MACROD2: variants seen among roughly 807,000 people sequenced by gnomAD.
MACROD2 encodes the protein ADP-ribose glycohydrolase MACROD2.
Under a neutral mutation model 70.4 loss-of-function variants are expected in MACROD2, and 36 were observed. The observed-to-expected ratio is 0.51, with a 90% CI of 0.39 to 0.68. The LOEUF (loss-of-function observed/expected upper bound fraction) is 0.68. Among genes scored for constraint, MACROD2 ranks in the 30% least tolerant of loss-of-function variants. The pLI, the probability that MACROD2 is intolerant of heterozygous loss-of-function variation, is 0.00. For missense variants in MACROD2, 496 were observed against 538.4 expected (o/e 0.92, Z 0.78); for synonymous variants, 172 against 178.8 (o/e 0.96, Z 0.30).
intron 15 of MACROD2, among the ~76,000 whole-genome samples, chr20:16,035,620 A>G (rs1209862105): frequency 6.6e-6 from 1 of 152,064 alleles, no homozygotes; most frequent in Non-Finnish European, 1.5e-5. Flanking sequence ...AACTGAATCG[A>G]TTAGAAGTGT....
At chr20:14,549,579 T>C (rs1438695227) in intron 4 of MACROD2, among the ~76,000 whole-genome samples, 1 of 152,130 alleles carries the variant, frequency 6.6e-6, no homozygotes, top group Non-Finnish European at 1.5e-5. Context: ...CTTGGCAGAT[T>C]ACTTCTACTT....
chr20:15,718,134 C>T (rs34574177), intron 8 of MACROD2, among the ~76,000 whole-genome samples: 10,122 of 151,092 alleles, frequency 0.067, 358 homozygotes, highest in African/African-American at 0.091. Flanking sequence ...GCCTCCCGAG[C>T]AGCTGGGATT....
intron 5 of MACROD2, among the ~76,000 whole-genome samples, chr20:14,954,534 A>T (rs1600867445): frequency 7.1e-6 from 1 of 139,880 alleles, no homozygotes; most frequent in South Asian, 2.1e-4. Flanking sequence ...ATATAATTAT[A>T]TATAATATAA....
chr20:15,932,229 C>T (rs1463393042), intron 10 of MACROD2, among the ~76,000 whole-genome samples: 1 of 152,150 alleles, frequency 6.6e-6, no homozygotes, highest in African/African-American at 2.4e-5. Context: ...ATGTGTCTCC[C>T]TCCATTTGGC....
chr20:15,263,072 T>G (rs2077263096), intron 6 of MACROD2, among the ~76,000 whole-genome samples: 1 of 152,148 alleles, frequency 6.6e-6, no homozygotes, highest in Non-Finnish European at 1.5e-5. Flanking sequence ...ATTTTTGCTT[T>G]GGTTGTCTGT....
At chr20:14,904,221 A>T (rs986659544) in intron 5 of MACROD2, among the ~76,000 whole-genome samples, 5 of 152,164 alleles carry the variant, frequency 3.3e-5, no homozygotes, top group African/African-American at 1.2e-4. Flanking sequence ...ATGCTGTTGG[A>T]TAGTCAAATT....
intron 3 of MACROD2, among the ~76,000 whole-genome samples, chr20:14,415,064 T>C (rs1189125865): frequency 1.3e-5 from 2 of 152,118 alleles, no homozygotes; most frequent in South Asian, 4.1e-4. Flanking sequence ...AGAAACTTAG[T>C]TTTTTCAGTA....
Position 15,725,002 on chromosome 20 carries a change from A to T in MACROD2, c.646-137743A>T, listed in dbSNP as rs149990774. ...GAGGCTGAGGCAGAAGAATGACGTG[A>T]ATCCGGGAGGCGGAGCTTGCAGTGA... On this transcript the variant is annotated intron_variant, in intron 8 of 17. Transcript: ENST00000684519. Among the ~76,000 whole-genome samples, 211 of 152,288 alleles carry T rather than the reference A, an allele frequency of 1.4e-3. 4 individuals carry two copies. The East Asian group carries it at 0.037, about 27-fold the overall frequency.
At chr20:15,923,452 T>C (rs2065442455) in intron 10 of MACROD2, among the ~76,000 whole-genome samples, 2 of 152,178 alleles carry the variant, frequency 1.3e-5, no homozygotes, top group Non-Finnish European at 2.9e-5. Context: ...ACATGGGAAT[T>C]CTGGGAGATA....
In MACROD2 at chr20:14,734,875, C is replaced by G. The variant is rs552830253; in HGVS notation, c.418+49916C>G. ...TGATTTTCAACAAGACTATCAAGAC[C>G]ATTGCATGGACAAAGAATAATATCT... On this transcript the variant is annotated intron_variant, in intron 5 of 17. Coordinates refer to ENST00000684519, the MANE Select transcript of MACROD2 (RefSeq NM_001351661.2). Among the ~76,000 whole-genome samples, 20 of 152,074 alleles carry G rather than the reference C, an allele frequency of 1.3e-4. 1 individual carries two copies. In the East Asian group the frequency reaches 3.9e-3, roughly 29 times the overall value.
chr20:14,510,482 T>G (rs1328552148), intron 4 of MACROD2, among the ~76,000 whole-genome samples: 4 of 152,116 alleles, frequency 2.6e-5, no homozygotes, highest in African/African-American at 9.6e-5. Flanking sequence ...AGTTGCCAGT[T>G]TATAATTCTC....
chr20:14,127,476 C>G, intron 3 of MACROD2: 1 of 500,404 alleles, frequency 2.0e-6, no homozygotes, highest in South Asian at 3.5e-5. Flanking sequence ...CAGAAGGAGG[C>G]AGAGGTGGGT....
At chr20:14,965,453 C>CTTTTTTTTTTTTT (rs532870999) in intron 5 of MACROD2, among the ~76,000 whole-genome samples, 14 of 68,052 alleles carry the variant, frequency 2.1e-4, no homozygotes, top group Non-Finnish European at 2.7e-4. Flanking sequence ...ATTTTTTTTT[C>CTTTTTTTTTTTTT]TTTTTTTTTT....
At chr20:15,649,090 T>C (rs412167) in intron 8 of MACROD2, among the ~76,000 whole-genome samples, 8,204 of 34,658 alleles carry the variant, frequency 0.24, 1,082 homozygotes, top group African/African-American at 0.5. Flanking sequence ...TCCCTCCCCT[T>C]CCCTCCCCTC....
intron 3 of MACROD2, among the ~76,000 whole-genome samples, chr20:14,429,897 C>T (rs1371956598): frequency 1.3e-5 from 2 of 152,170 alleles, no homozygotes; most frequent in Non-Finnish European, 2.9e-5. Flanking sequence ...CAGGATTGTG[C>T]TCCTGTGGCT....
intron 5 of MACROD2, among the ~76,000 whole-genome samples, chr20:15,110,532 T>A (rs971323194): frequency 5.3e-5 from 8 of 152,176 alleles, no homozygotes; most frequent in African/African-American, 1.9e-4. Context: ...ACAGCATCTG[T>A]GTGACCAGAC....
chr20:15,637,692 T>G (rs1199222411), intron 8 of MACROD2, among the ~76,000 whole-genome samples: 1 of 152,206 alleles, frequency 6.6e-6, no homozygotes, highest in Non-Finnish European at 1.5e-5. Context: ...GATCAGCACC[T>G]TCTGTGTCCC....
chr20:15,613,644 T>C (rs1485967584), intron 8 of MACROD2, among the ~76,000 whole-genome samples: 1 of 152,234 alleles, frequency 6.6e-6, no homozygotes, highest in African/African-American at 2.4e-5. Context: ...ATTCCACTGA[T>C]AAGAGGACGG....
intron 4 of MACROD2, among the ~76,000 whole-genome samples, chr20:14,625,780 A>G (rs907284588): frequency 6.6e-6 from 1 of 152,160 alleles, no homozygotes; most frequent in Non-Finnish European, 1.5e-5. Context: ...TCTGAAGCTC[A>G]GCTGGCATCA....
Sources: gnomAD v4.1 joint callset for allele counts (sites outside exome capture counted in the v4.1 genomes callset) on GRCh38, gnomAD v4.1.1 for gene constraint, MANE v1.5 for transcripts, NCBI Gene and HGNC (gene_info 2026-07-23, HGNC 2026-07-21) for gene names.